The following RBMS3 variants were observed in gnomAD, a reference collection of about 807,000 sequenced individuals.
RBMS3 encodes RNA-binding motif, single-stranded-interacting protein 3.
Under a neutral mutation model 66.8 loss-of-function variants are expected in RBMS3, and 27 were observed. That is an observed-to-expected ratio of 0.40 (90% CI 0.30 to 0.56). The LOEUF is 0.56. Ranked by LOEUF, RBMS3 falls within the 20% of genes least tolerant of loss-of-function variation. RBMS3 has a pLI of 0.40. For synonymous variants in RBMS3, 188 were observed against 183.0 expected, an observed-to-expected ratio of 1.03 and a Z score of -0.22; for missense variants, 513 against 549.5, an observed-to-expected ratio of 0.93 and a Z score of 0.66.
Position 30,010,337 on chromosome 3 carries a change from C to T in RBMS3, c.*6475C>T, listed in dbSNP as rs1699930815. Reference sequence around the variant, plus strand: ...TAGATCAGTGGATGTTAGGTTTAAACTTCTGTTTTCTTTGATGAAGCTTTC... The same window carrying T: ...TAGATCAGTGGATGTTAGGTTTAAATTTCTGTTTTCTTTGATGAAGCTTTC... On this transcript the variant is annotated 3_prime_UTR_variant, in exon 15 of 15. Coordinates refer to ENST00000383767, the MANE Select transcript of RBMS3 (RefSeq NM_001003793.3). 6.6e-6 allele frequency: 1 copy of T among 151,422 alleles called. No individual in the cohort carries two copies. 9.4% of individuals were successfully genotyped at this position (151,422 alleles called of 1,614,324 possible).
At chr3:29,997,568 C>T (rs1190964171) in intron 14 of RBMS3, among the ~76,000 whole-genome samples, 1 of 150,778 alleles carries the variant, frequency 6.6e-6, no homozygotes, top group Non-Finnish European at 1.5e-5. Context: ...AGCTTATCCA[C>T]CATGATCAAG....
chr3:29,913,242 A>G (rs1026137767), intron 10 of RBMS3, among the ~76,000 whole-genome samples: 2 of 152,018 alleles, frequency 1.3e-5, no homozygotes, highest in African/African-American at 4.8e-5. Flanking sequence ...ATGATTTGGC[A>G]TCAGATAAAG....
intron 3 of RBMS3, among the ~76,000 whole-genome samples, chr3:29,549,082 T>TC (rs1553619904): frequency 6.4e-5 from 9 of 141,646 alleles, no homozygotes; most frequent in Non-Finnish European, 1.4e-4. Context: ...TTTTTTTTTT[T>TC]CCATCCCTCT....
At chr3:29,500,404 C>A (rs1365827375) in intron 3 of RBMS3, among the ~76,000 whole-genome samples, 1 of 148,530 alleles carries the variant, frequency 6.7e-6, no homozygotes, top group Non-Finnish European at 1.5e-5. Flanking sequence ...AAGAATAACT[C>A]CAAGTGAAAT....
intron 13 of RBMS3, among the ~76,000 whole-genome samples, chr3:29,990,230 G>GAAGAAATTTAGGGAAT (rs1159514669): frequency 6.9e-6 from 1 of 144,042 alleles, no homozygotes. Context: ...AAATTCTAAA[G>GAAGAAATTTAGGGAAT]AAGAAATTTA....
chr3:29,984,101 G>A (rs1293300741), intron 12 of RBMS3, among the ~76,000 whole-genome samples: 2 of 152,008 alleles, frequency 1.3e-5, no homozygotes, highest in Non-Finnish European at 2.9e-5. Context: ...TGGAGGCTTT[G>A]TTCATTCTTT....
chr3:29,888,118 T>C (rs551306228), intron 8 of RBMS3, among the ~76,000 whole-genome samples: 9 of 151,864 alleles, frequency 5.9e-5, no homozygotes, highest in African/African-American at 1.7e-4. Flanking sequence ...TGAAATGTCT[T>C]TATTTATACC....
At chr3:29,548,997 A>G (rs907724379) in intron 3 of RBMS3, among the ~76,000 whole-genome samples, 110 of 152,012 alleles carry the variant, frequency 7.2e-4, no homozygotes, top group African/African-American at 2.4e-3. Context: ...ATCACCAAAC[A>G]AATAATCAAG....
At chr3:29,659,076 C>T (rs906126122) in intron 4 of RBMS3, among the ~76,000 whole-genome samples, 12 of 152,170 alleles carry the variant, frequency 7.9e-5, no homozygotes, top group Non-Finnish European at 1.5e-5. Context: ...CTCAGCCTCC[C>T]GAAGTGCTGG....
intron 2 of RBMS3, among the ~76,000 whole-genome samples, chr3:29,449,588 A>G (rs924307675): frequency 1.3e-5 from 2 of 152,246 alleles, no homozygotes; most frequent in Non-Finnish European, 2.9e-5. Flanking sequence ...GGAGGTCAGC[A>G]TAGTGTTACC....
intron 4 of RBMS3, among the ~76,000 whole-genome samples, chr3:29,654,186 A>G (rs764145684): frequency 2.0e-5 from 3 of 152,166 alleles, no homozygotes; most frequent in Non-Finnish European, 4.4e-5. Flanking sequence ...TGGCAGAAAC[A>G]CTCTGCATGT....
chr3:29,748,915 G>T (rs1380039988), intron 5 of RBMS3, among the ~76,000 whole-genome samples: 1 of 152,180 alleles, frequency 6.6e-6, no homozygotes, highest in Non-Finnish European at 1.5e-5. Context: ...AATTTTAAGT[G>T]TGCCTAAAGC....
intron 1 of RBMS3, among the ~76,000 whole-genome samples, chr3:29,349,697 C>T (rs1334751337): frequency 5.3e-5 from 8 of 152,164 alleles, no homozygotes; most frequent in African/African-American, 1.2e-4. Flanking sequence ...GGTATTGTAT[C>T]GTGTGTCTAA....
chr3:29,452,425 T>C (rs9822629), intron 2 of RBMS3, among the ~76,000 whole-genome samples: 1 of 151,948 alleles, frequency 6.6e-6, no homozygotes, highest in Non-Finnish European at 1.5e-5. Context: ...TACTCTGTGA[T>C]CTAGAATCAA....
chr3:29,754,663 A>C (rs1375221804), intron 5 of RBMS3, among the ~76,000 whole-genome samples: 1 of 152,212 alleles, frequency 6.6e-6, no homozygotes, highest in Non-Finnish European at 1.5e-5. Flanking sequence ...TATGAGCTCA[A>C]AGCTTGAAGA....
intron 4 of RBMS3, among the ~76,000 whole-genome samples, chr3:29,626,725 AT>A (rs142367144): frequency 0.067 from 10,235 of 152,210 alleles, 666 homozygotes; most frequent in East Asian, 0.35. Context: ...CCAATGTTTA[AT>A]AAATATTACA....
chr3:29,556,544 A>T (rs981536414), intron 3 of RBMS3: 5 of 152,530 alleles, frequency 3.3e-5, no homozygotes, highest in African/African-American at 7.2e-5. Flanking sequence ...CGGAGGTTGC[A>T]GTGAGCCGAG....
chr3:29,425,290 C>T (rs1170438261), intron 1 of RBMS3, among the ~76,000 whole-genome samples: 2 of 150,712 alleles, frequency 1.3e-5, no homozygotes, highest in African/African-American at 4.9e-5. Flanking sequence ...AGGAGAATCG[C>T]TTGAACCCAG....
At chr3:29,951,816 A>C (rs1040668831) in intron 12 of RBMS3, among the ~76,000 whole-genome samples, 2 of 151,744 alleles carry the variant, frequency 1.3e-5, no homozygotes, top group East Asian at 3.9e-4. Flanking sequence ...ATTAATATAA[A>C]TATAAATATT....
Sources: gnomAD v4.1 joint callset for allele counts (sites outside exome capture counted in the v4.1 genomes callset) on GRCh38, gnomAD v4.1.1 for gene constraint, MANE v1.5 for transcripts, NCBI Gene and HGNC (gene_info 2026-07-23, HGNC 2026-07-21) for gene names.